EMCN: variants seen among roughly 807,000 people sequenced by gnomAD.
EMCN encodes endomucin, also known as MUC-14.
In EMCN, 37 loss-of-function variants were observed where a neutral mutation model predicts 38.4. The observed-to-expected ratio is 0.96, with a 90% CI of 0.74 to 1.27. EMCN has a LOEUF of 1.27. Among genes scored for constraint, EMCN ranks in the 50% most tolerant of loss-of-function variants. EMCN has a pLI of 0.00. For synonymous variants in EMCN, 95 were observed against 100.8 expected (o/e 0.94, Z 0.35); for missense variants, 318 against 302.8 (o/e 1.05, Z -0.37).
chr4:100,437,580 T>A (rs1727392240), intron 5 of EMCN, among the ~76,000 whole-genome samples: 1 of 152,174 alleles, frequency 6.6e-6, no homozygotes, highest in Non-Finnish European at 1.5e-5. Context: ...TTGATTTTTG[T>A]GCATCGTTTA....
At chr4:100,437,121 T>G (rs1192345374) in intron 5 of EMCN, among the ~76,000 whole-genome samples, 2 of 152,200 alleles carry the variant, frequency 1.3e-5, no homozygotes, top group East Asian at 3.8e-4. Flanking sequence ...ATATACACCC[T>G]AATGGGTGTG....
At chr4:100,403,657 C>T (rs1302800856) in intron 11 of EMCN, among the ~76,000 whole-genome samples, 1 of 152,016 alleles carries the variant, frequency 6.6e-6, no homozygotes, top group Admixed American at 6.6e-5. Flanking sequence ...CAGGCTGTTT[C>T]CACAGTGATT....
intron 5 of EMCN, among the ~76,000 whole-genome samples, chr4:100,441,002 G>A (rs1182751072): frequency 6.6e-6 from 1 of 151,968 alleles, no homozygotes; most frequent in Non-Finnish European, 1.5e-5. Flanking sequence ...GCAGGAGAAT[G>A]GTGTGAACCT....
intron 2 of EMCN, among the ~76,000 whole-genome samples, chr4:100,476,878 G>C (rs67676974): frequency 0.26 from 39,475 of 152,040 alleles, 5,613 homozygotes; most frequent in African/African-American, 0.36. Context: ...GGAACAGAAA[G>C]ACAATGAATA....
At position 100,477,464 on chromosome 4, in the gene EMCN, C is replaced by T. The variant is rs112340756; in HGVS notation, c.188-2355G>A. On this transcript the variant is annotated intron_variant, in intron 2 of 11. Transcript: ENST00000296420. ...CTCTGAGAGCAAGCCCTGCTCCAGG[C>T]GAAGCTCTATCAATCACGTCTGCCA... Among the ~76,000 whole-genome samples the T allele has an allele frequency of 9.4e-4, 143 of 152,278 alleles. 1 individual carries two copies. The highest frequency in any genetic ancestry group is 3.1e-3 in the African/African-American group (127 of 41,544).
rs775801818 is a variant in EMCN at position 100,517,989 on chromosome 4, C to T, written c.-75G>A. 2.8e-6 allele frequency: 4 copies of T among 1,409,536 alleles called. No individual in the cohort carries two copies. Among genetic ancestry groups the T allele is most frequent in the Non-Finnish European group, 4.0e-6 (4 of 994,812 alleles). 87.3% of individuals were successfully genotyped at this position (1,409,536 alleles called of 1,614,324 possible). On this transcript the variant is annotated 5_prime_UTR_variant, in exon 1 of 12. Transcript: ENST00000296420. The stretch of plus-strand genomic sequence containing the variant: ...ACAATTCCCTCCCAGCCTGGCAGGG[C>T]CTTATTAGCAAATGGAAAAGGTGTA...
At chr4:100,468,335 G>A (rs977801807) in intron 3 of EMCN, among the ~76,000 whole-genome samples, 7 of 152,130 alleles carry the variant, frequency 4.6e-5, no homozygotes, top group Admixed American at 3.3e-4. Context: ...GAGGAATTAA[G>A]TTTATTGAGG....
At chr4:100,491,106 G>A (rs927720204) in intron 1 of EMCN, among the ~76,000 whole-genome samples, 2 of 151,852 alleles carry the variant, frequency 1.3e-5, no homozygotes, top group Non-Finnish European at 2.9e-5. Context: ...CCTATCTATA[G>A]GTTGATTCTT....
intron 5 of EMCN, among the ~76,000 whole-genome samples, chr4:100,430,193 T>G (rs908372995): frequency 2.0e-5 from 3 of 152,132 alleles, no homozygotes; most frequent in Non-Finnish European, 4.4e-5. Flanking sequence ...GTATTATTAG[T>G]ATTTGCATTT....
intron 4 of EMCN, among the ~76,000 whole-genome samples, chr4:100,457,065 G>A (rs1339881724): frequency 1.3e-5 from 2 of 151,516 alleles, no homozygotes; most frequent in African/African-American, 4.8e-5. Context: ...TATTTATTTC[G>A]ATTTAGTTTT....
chr4:100,402,768 G>C (rs1347411681), intron 11 of EMCN, among the ~76,000 whole-genome samples: 1 of 152,048 alleles, frequency 6.6e-6, no homozygotes, highest in Non-Finnish European at 1.5e-5. Context: ...TATTAAGCTG[G>C]TTCGAAGATC....
At chr4:100,440,298 T>G (rs1274489221) in intron 5 of EMCN, among the ~76,000 whole-genome samples, 2 of 152,130 alleles carry the variant, frequency 1.3e-5, no homozygotes, top group Non-Finnish European at 2.9e-5. Flanking sequence ...CATGGATGAA[T>G]TATATAGTGG....
chr4:100,463,516 T>C (rs1728238760), intron 4 of EMCN, among the ~76,000 whole-genome samples: 2 of 152,192 alleles, frequency 1.3e-5, no homozygotes, highest in South Asian at 4.1e-4. Flanking sequence ...TTACACACCA[T>C]TAAATGCACT....
Position 100,475,658 on chromosome 4 carries a change from CCTTTTTTTTTTTTTTTTTTTTT to C in EMCN, c.188-571_188-550del, listed in dbSNP as rs1280449577. 3.7e-5 allele frequency among the ~76,000 whole-genome samples: 4 copies of C among 108,092 alleles called. No individual in the cohort carries two copies. The East Asian group carries it at 1.1e-3, about 30-fold the overall frequency. The allele number at this position is 108,092 out of a possible 152,430, so 70.9% of individuals were successfully genotyped here. A position where few individuals can be genotyped will look rare whatever the true frequency, so the allele number is the denominator to read the frequency against. ...CTTGAGGGCAGTATCCAATTCTAGT[CCTTTTTTTTTTTTTTTTTTTTT>C]TTTTTTTTTTTTTTGGAGACAGAAT... On this transcript the variant is annotated intron_variant, in intron 2 of 11. Transcript: ENST00000296420.
chr4:100,473,551 A>G (rs1728554353), intron 3 of EMCN, among the ~76,000 whole-genome samples: 2 of 151,656 alleles, frequency 1.3e-5, no homozygotes, highest in African/African-American at 4.8e-5. Context: ...TGTCTCAGGA[A>G]TTGCTAACGA....
chr4:100,502,143 C>T (rs910390313), intron 1 of EMCN, among the ~76,000 whole-genome samples: 3 of 152,104 alleles, frequency 2.0e-5, no homozygotes, highest in Non-Finnish European at 4.4e-5. Flanking sequence ...TTATATAGAA[C>T]GTAGTGGATT....
At position 100,428,566 on chromosome 4, in the gene EMCN, C is replaced by T. The variant is rs115206267; in HGVS notation, c.416-5162G>A. 9.9e-3 allele frequency among the ~76,000 whole-genome samples: 1,506 copies of T among 152,166 alleles called. 7 individuals are homozygous for T. The highest frequency in any genetic ancestry group is 0.016 in the Non-Finnish European group (1,122 of 68,004). ...CTAGGGCAAGGATCTTTATTGTGCT[C>T]ACTCATATTTCCCAAATGTTATAAC... On this transcript the variant is annotated intron_variant, in intron 5 of 11. Transcript: ENST00000296420.
chr4:100,398,838 T>C (rs1350255989), intron 11 of EMCN, among the ~76,000 whole-genome samples: 3 of 152,114 alleles, frequency 2.0e-5, no homozygotes, highest in Non-Finnish European at 1.5e-5. Context: ...AATATTGCAA[T>C]AGCCTCTGAC....
intron 1 of EMCN, among the ~76,000 whole-genome samples, chr4:100,509,072 A>C (rs1228215885): frequency 1.3e-5 from 2 of 152,226 alleles, no homozygotes; most frequent in Non-Finnish European, 2.9e-5. Context: ...TCTCCAAATT[A>C]AAGCAAGGGC....
Sources: allele counts gnomAD v4.1 joint callset (sites outside exome capture counted in the v4.1 genomes callset), GRCh38; gene constraint gnomAD v4.1.1; transcripts MANE v1.5; gene names NCBI Gene and HGNC (gene_info 2026-07-23, HGNC 2026-07-21).